FBXL17: variants seen among roughly 807,000 people sequenced by gnomAD.
FBXL17 encodes the protein F-box and leucine rich repeat protein 17.
FBXL17 carries 22 observed loss-of-function variants against 66.2 expected under a neutral mutation model. That is an observed-to-expected ratio of 0.33 (90% CI 0.24 to 0.47). FBXL17 has a LOEUF of 0.47. Ranked by LOEUF, FBXL17 falls within the 20% of genes least tolerant of loss-of-function variation. The pLI is 1.00. For missense variants in FBXL17, 878 were observed against 948.2 expected (o/e 0.93, Z 0.97); for synonymous variants, 474 against 400.5 (o/e 1.18, Z -2.19).
intron 4 of FBXL17, among the ~76,000 whole-genome samples, chr5:108,274,643 A>G (rs1757411822): frequency 6.6e-6 from 1 of 152,190 alleles, no homozygotes; most frequent in African/African-American, 2.4e-5. Context: ...AAGGGTATTG[A>G]CTGGGGAAGT....
rs1015938168 is a variant in FBXL17, at chr5:108,182,917, T to C, written c.1745+3200A>G. Among the ~76,000 whole-genome samples, 6 of 152,274 alleles carry C rather than the reference T, an allele frequency of 3.9e-5. No individual in the cohort carries two copies. The South Asian group carries it at 8.3e-4, about 21-fold the overall frequency. On this transcript the variant is annotated intron_variant, in intron 6 of 8. Coordinates refer to ENST00000542267, the MANE Select transcript of FBXL17 (RefSeq NM_001163315.3). ...CTTAGATAACTCATACAACGAAGTA[T>C]AGACCGTATCTTATTTATCAATTAT...
chr5:108,133,082 T>G (rs1750997831), intron 6 of FBXL17, among the ~76,000 whole-genome samples: 1 of 152,134 alleles, frequency 6.6e-6, no homozygotes, highest in South Asian at 2.1e-4. Flanking sequence ...TCACTGAAGA[T>G]TCTAGAGGAA....
chr5:108,228,762 C>T (rs1755203487), intron 4 of FBXL17, among the ~76,000 whole-genome samples: 1 of 152,086 alleles, frequency 6.6e-6, no homozygotes, highest in Non-Finnish European at 1.5e-5. Context: ...CACAAGAGAT[C>T]CTGATCATAA....
In FBXL17 at chr5:108,380,619, G is replaced by A. The variant is rs963355208; in HGVS notation, c.993+80C>T. ...GGAACCCCCCTCCTCCGCGCTTAGG[G>A]GGAGGAGAGAGAAAGCCTCGGAGGC... On this transcript the variant is annotated intron_variant, in intron 1 of 8. Coordinates refer to ENST00000542267, the MANE Select transcript of FBXL17 (RefSeq NM_001163315.3). 1.3e-5 allele frequency: 12 copies of A among 921,602 alleles called. No homozygotes were observed. The African/African-American group carries it at 1.4e-4, about 11-fold the overall frequency. The allele number at this position is 921,602 out of a possible 1,614,324, so 57.1% of individuals were successfully genotyped here.
chr5:108,094,264 C>T (rs915566299), intron 6 of FBXL17, among the ~76,000 whole-genome samples: 4 of 152,102 alleles, frequency 2.6e-5, no homozygotes, highest in African/African-American at 9.7e-5. Flanking sequence ...GGGAAAAGCT[C>T]TTCTGCACAA....
intron 4 of FBXL17, among the ~76,000 whole-genome samples, chr5:108,241,344 A>C (rs942385003): frequency 3.9e-5 from 6 of 152,352 alleles, no homozygotes; most frequent in Non-Finnish European, 1.5e-5. Context: ...TCTGGAGCTG[A>C]AAAATGCAAT....
intron 6 of FBXL17, among the ~76,000 whole-genome samples, chr5:108,144,283 A>G (rs1339968510): frequency 6.6e-6 from 1 of 152,186 alleles, no homozygotes; most frequent in Non-Finnish European, 1.5e-5. Flanking sequence ...AGTTGCTGAA[A>G]AAACCAATTC....
chr5:108,015,922 A>AT (rs79581448), intron 7 of FBXL17, among the ~76,000 whole-genome samples: 4 of 151,954 alleles, frequency 2.6e-5, no homozygotes, highest in Non-Finnish European at 5.9e-5. Flanking sequence ...AACAAGATGC[A>AT]TTTTTTTTAA....
chr5:108,292,845 A>T (rs1020493469), intron 4 of FBXL17, among the ~76,000 whole-genome samples: 1 of 152,202 alleles, frequency 6.6e-6, no homozygotes, highest in African/African-American at 2.4e-5. Context: ...TACGCCTGTA[A>T]TCCCAGCACA....
At chr5:108,215,802 T>C (rs1580630626) in intron 5 of FBXL17, among the ~76,000 whole-genome samples, 1 of 152,176 alleles carries the variant, frequency 6.6e-6, no homozygotes, top group Non-Finnish European at 1.5e-5. Flanking sequence ...ATTTCTCCCA[T>C]GTTTTCTTCT....
intron 6 of FBXL17, among the ~76,000 whole-genome samples, chr5:108,032,726 T>C (rs1329385980): frequency 2.6e-5 from 4 of 152,174 alleles, no homozygotes; most frequent in African/African-American, 4.8e-5. Context: ...GGAAACTAGT[T>C]TTGGACTTCT....
At chr5:108,376,844 C>A (rs62362278) in intron 1 of FBXL17, among the ~76,000 whole-genome samples, 2,252 of 146,098 alleles carry the variant, frequency 0.015, 25 homozygotes, top group South Asian at 0.035. Flanking sequence ...TGGAGTGCAG[C>A]GGTGTGATCT....
chr5:108,258,051 T>C (rs185108590), intron 4 of FBXL17, among the ~76,000 whole-genome samples: 34 of 152,266 alleles, frequency 2.2e-4, no homozygotes, highest in Non-Finnish European at 2.4e-4. Flanking sequence ...TAGAGCATAC[T>C]ATAAACTGAA....
chr5:108,337,889 A>T (rs1760461812), intron 4 of FBXL17, among the ~76,000 whole-genome samples: 1 of 152,100 alleles, frequency 6.6e-6, no homozygotes, highest in Non-Finnish European at 1.5e-5. Flanking sequence ...TCAGAGGAAT[A>T]TATACAATGT....
At chr5:108,204,362 T>C (rs1754023896) in intron 5 of FBXL17, among the ~76,000 whole-genome samples, 1 of 152,104 alleles carries the variant, frequency 6.6e-6, no homozygotes, top group Admixed American at 6.6e-5. Context: ...AGCTAATTTT[T>C]TGTAGAGATG....
At chr5:108,248,035 C>T (rs1270782408) in intron 4 of FBXL17, among the ~76,000 whole-genome samples, 1 of 152,174 alleles carries the variant, frequency 6.6e-6, no homozygotes, top group Non-Finnish European at 1.5e-5. Flanking sequence ...AGCACCTAGT[C>T]TGCAATATAG....
chr5:108,219,531 C>CA (rs1351561742), intron 5 of FBXL17, among the ~76,000 whole-genome samples: 4 of 151,778 alleles, frequency 2.6e-5, no homozygotes, highest in African/African-American at 7.3e-5. Flanking sequence ...ATTAAAAATA[C>CA]AAAAAATTAG....
At chr5:108,286,852 G>A (rs983606635) in intron 4 of FBXL17, among the ~76,000 whole-genome samples, 5 of 151,842 alleles carry the variant, frequency 3.3e-5, no homozygotes, top group African/African-American at 9.6e-5. Context: ...AAAAGAACAC[G>A]TCTGGAGGCA....
At chr5:108,262,086 A>AT (rs1056144916) in intron 4 of FBXL17, among the ~76,000 whole-genome samples, 1,558 of 142,158 alleles carry the variant, frequency 0.011, 56 homozygotes, top group African/African-American at 0.038. Context: ...TTATTTATTT[A>AT]TTTTTTTTGA....
Sources: gnomAD v4.1 joint callset for allele counts (sites outside exome capture counted in the v4.1 genomes callset) on GRCh38, gnomAD v4.1.1 for gene constraint, MANE v1.5 for transcripts, NCBI Gene and HGNC (gene_info 2026-07-23, HGNC 2026-07-21) for gene names.